The following ZNF480 variants were observed in gnomAD, a reference collection of about 807,000 sequenced individuals.
The protein encoded by ZNF480 is zinc finger protein 480.
ZNF480 carries 15 observed loss-of-function variants against 14.4 expected under a neutral mutation model. That is an observed-to-expected ratio of 1.04 (90% CI 0.70 to 1.60). ZNF480 has a LOEUF of 1.60. ZNF480 is among the 40% of genes most tolerant of loss of function. The pLI is 0.00. For missense variants in ZNF480, 593 were observed against 629.7 expected, an observed-to-expected ratio of 0.94 and a Z score of 0.62; for synonymous variants, 218 against 215.5, an observed-to-expected ratio of 1.01 and a Z score of -0.10.
rs748131026 is a variant in ZNF480, at chr19:52,322,795, G to A, written c.1545G>A (p.Glu515=). The A allele has an allele frequency of 2.5e-6, 4 of 1,611,296 alleles. No individual in the cohort carries two copies. The Admixed American group carries it at 5.0e-5, about 20-fold the overall frequency. Residue 515 remains glutamate, a synonymous_variant, in exon 5 of 5, where the codon GAG becomes GAA. Transcript: ENST00000595962. The stretch of plus-strand genomic sequence containing the variant: ...GAGAGAAACCTTACAAATGTAATGA[G>A]TGTGGCAAGGCCTTTAGTCGCATTT... ...HTGEKPYKCN[E]CGKAFSRISY...
intron 2 of ZNF480, chr19:52,307,603 A>G (rs1157333887): frequency 6.6e-6 from 1 of 152,264 alleles, no homozygotes; most frequent in Non-Finnish European, 1.5e-5. Flanking sequence ...CAGGGGGCCA[A>G]CAGCCTTCAG....
At chr19:52,303,778 A>G (rs1325951169) in intron 2 of ZNF480, among the ~76,000 whole-genome samples, 1 of 152,208 alleles carries the variant, frequency 6.6e-6, no homozygotes, top group Non-Finnish European at 1.5e-5. Context: ...TGTCATAGGT[A>G]GGAATGCCTA....
At chr19:52,305,162 G>T (rs1982870460) in intron 2 of ZNF480, among the ~76,000 whole-genome samples, 1 of 152,080 alleles carries the variant, frequency 6.6e-6, no homozygotes, top group South Asian at 2.1e-4. Context: ...TGTTCATTGG[G>T]TCCTTCACAA....
intron 2 of ZNF480, chr19:52,300,760 C>G (rs975854485): frequency 4.0e-6 from 2 of 498,774 alleles, no homozygotes; most frequent in South Asian, 6.5e-5. Flanking sequence ...GTTTGACCCA[C>G]ATATTTATTG....
At chr19:52,309,955 T>A (rs1983189503) in intron 2 of ZNF480, among the ~76,000 whole-genome samples, 2 of 152,232 alleles carry the variant, frequency 1.3e-5, no homozygotes, top group African/African-American at 4.8e-5. Context: ...AGATGTTTCT[T>A]TCCTGTATGT....
chr19:52,303,558 C>T (rs1194055556), intron 2 of ZNF480, among the ~76,000 whole-genome samples: 3 of 152,164 alleles, frequency 2.0e-5, no homozygotes, highest in Non-Finnish European at 4.4e-5. Context: ...AGCCATTCTA[C>T]CAAGTCTGCT....
chr19:52,316,711 C>A (rs761276775), intron 4 of ZNF480, among the ~76,000 whole-genome samples: 8 of 151,994 alleles, frequency 5.3e-5, no homozygotes, highest in Admixed American at 2.0e-4. Context: ...TAACTAATTC[C>A]CCCGACAATT....
intron 2 of ZNF480, among the ~76,000 whole-genome samples, chr19:52,305,056 G>A (rs1009292507): frequency 7.9e-5 from 12 of 152,052 alleles, no homozygotes; most frequent in South Asian, 2.1e-4. Context: ...CTGAGATCAC[G>A]CCACTGCACT....
chr19:52,315,942 G>A lies in ZNF480; in HGVS notation c.308G>A (p.Cys103Tyr). The A allele has an allele frequency of 6.2e-7, 1 of 1,610,804 alleles. No homozygotes were observed. Residue 103 changes from cysteine to tyrosine, a missense_variant, in exon 4 of 5, where the codon TGC becomes TAC. Physicochemically the swap from Cys to Tyr is radical, Grantham distance 194 (BLOSUM62 -2). Coordinates refer to ENST00000595962, the MANE Select transcript of ZNF480 (RefSeq NM_144684.4). ...GCAAAAAATTCAGATGGGAGGGAGT[G>A]CATCAAAGGTGTGAACACAGGTAAG... ...KIAKNSDGRECIKGVNTGSSY... is the reference protein window; with the variant it reads ...KIAKNSDGREYIKGVNTGSSY...
At chr19:52,321,477 TC>T in intron 4 of ZNF480, 101 bp from the exon 5 acceptor site, 1 of 994,972 alleles carries the variant, frequency 1.0e-6, no homozygotes, top group Non-Finnish European at 1.5e-6. Flanking sequence ...TGATATTTCT[TC>T]CAATGTCTGA....
At chr19:52,298,874 C>T (rs528135148) in intron 1 of ZNF480, among the ~76,000 whole-genome samples, 232 of 151,876 alleles carry the variant, frequency 1.5e-3, no homozygotes, top group Non-Finnish European at 2.9e-3. Flanking sequence ...GAGATACGTA[C>T]AGAATGAGGG....
rs1311172007 is a variant in ZNF480, at chr19:52,323,150, A to G, written c.*292A>G. On this transcript the variant is annotated 3_prime_UTR_variant, in exon 5 of 5. Coordinates refer to ENST00000595962, the MANE Select transcript of ZNF480 (RefSeq NM_144684.4). The stretch of plus-strand genomic sequence containing the variant: ...TACCACCAACCCCACAGAAATACGA[A>G]AAACCCTCAAAGATTACTATAAACA... 25 of 278,230 alleles carry G rather than the reference A, an allele frequency of 9.0e-5. No individual in the cohort carries two copies. The highest frequency in any genetic ancestry group is 2.0e-5 in the Non-Finnish European group (3 of 149,280). 17.2% of individuals were successfully genotyped at this position (278,230 alleles called of 1,614,324 possible). A position where few individuals can be genotyped will look rare whatever the true frequency, so the allele number is the denominator to read the frequency against.
intron 3 of ZNF480, among the ~76,000 whole-genome samples, chr19:52,314,486 A>AC: frequency 6.6e-6 from 1 of 150,926 alleles, no homozygotes; most frequent in African/African-American, 2.4e-5. Context: ...AAAAAAAAAA[A>AC]AAAAAAAAAA....
chr19:52,319,399 G>A (rs1468749531), intron 4 of ZNF480, among the ~76,000 whole-genome samples: 1 of 152,130 alleles, frequency 6.6e-6, no homozygotes, highest in African/African-American at 2.4e-5. Flanking sequence ...CTTTCAATAT[G>A]TCATCTCACT....
chr19:52,300,544 C>T lies in ZNF480; in HGVS notation c.72+60C>T, dbSNP rs369430524. 630 of 1,601,552 alleles carry T rather than the reference C, an allele frequency of 3.9e-4. 1 individual carries two copies. The African/African-American group carries it at 7.1e-3, about 18-fold the overall frequency. ...CTTTCTTTCAGAAACGCTGGGCCTT[C>T]GAGTTGGGAGTCTTCTCTGAGTCTG... On this transcript the variant is annotated intron_variant, in intron 2 of 4. Coordinates refer to ENST00000595962, the MANE Select transcript of ZNF480 (RefSeq NM_144684.4).
At chr19:52,300,546 A>T (rs1982640225) in intron 2 of ZNF480, 62 bp downstream of exon 2, 2 of 1,600,946 alleles carry the variant, frequency 1.2e-6, no homozygotes, top group African/African-American at 2.7e-5. Flanking sequence ...TGGGCCTTCG[A>T]GTTGGGAGTC....
Position 52,322,890 on chromosome 19 carries a change from T to G in ZNF480, c.*32T>G. ...CAAATGCAACAAATGCGTCAAAGAA[T>G]TTAGTGTGCACTCAAGCCTTACTAC... On this transcript the variant is annotated 3_prime_UTR_variant, in exon 5 of 5. Transcript: ENST00000595962. 6.5e-7 allele frequency: 1 copy of G among 1,529,242 alleles called. No homozygotes were observed. Among genetic ancestry groups the G allele is most frequent in the Non-Finnish European group, 8.8e-7 (1 of 1,136,468 alleles). The allele number at this position is 1,529,242 out of a possible 1,614,324, so 94.7% of individuals were successfully genotyped here.
At chr19:52,319,811 G>GTTTT (rs56151161) in intron 4 of ZNF480, among the ~76,000 whole-genome samples, 6 of 96,894 alleles carry the variant, frequency 6.2e-5, no homozygotes, top group South Asian at 3.9e-4. Flanking sequence ...CTGATACTGT[G>GTTTT]TTTTTTTTTT....
intron 2 of ZNF480, among the ~76,000 whole-genome samples, chr19:52,302,356 T>TC (rs1043355160): frequency 4.6e-5 from 7 of 152,172 alleles, no homozygotes; most frequent in Non-Finnish European, 1.0e-4. Context: ...TAATCACTGT[T>TC]CCCCCCTTTG....
Sources: gnomAD v4.1 joint callset for allele counts (sites outside exome capture counted in the v4.1 genomes callset) on GRCh38, gnomAD v4.1.1 for gene constraint, MANE v1.5 for transcripts, NCBI Gene and HGNC (gene_info 2026-07-23, HGNC 2026-07-21) for gene names.